Variants in UPF2 observed in about 807,000 individuals in gnomAD.
UPF2 encodes the protein UPF2 regulator of nonsense mediated mRNA decay, also known as regulator of nonsense transcripts 2.
A neutral mutation model predicts 141.4 loss-of-function variants in UPF2; 17 were observed. The ratio of observed to expected loss-of-function variants is 0.12; its 90% confidence interval spans 0.08 to 0.18. UPF2 has a LOEUF of 0.18. Ranked by LOEUF, UPF2 falls within the 10% of genes least tolerant of loss-of-function variation. UPF2 has a pLI of 1.00. For synonymous variants in UPF2, 540 were observed against 498.0 expected (o/e 1.08, Z -1.12); for missense variants, 1,152 against 1,515.9 (o/e 0.76, Z 3.99).
rs548131349 is a variant in UPF2, at chr10:11,941,765, T to C, written c.3378+900A>G. Reference sequence around the variant, plus strand: ...CCCACTCGTCACGTCACCAAAGGGTTAACAACAAGTACATATAGGGCTGAA... The same window carrying C: ...CCCACTCGTCACGTCACCAAAGGGTCAACAACAAGTACATATAGGGCTGAA... On this transcript the variant is annotated intron_variant, in intron 18 of 21. Transcript: ENST00000357604. Among the ~76,000 whole-genome samples, 111 of 152,282 alleles carry C rather than the reference T, an allele frequency of 7.3e-4. 1 individual carries two copies. The highest frequency in any genetic ancestry group is 2.5e-3 in the African/African-American group (103 of 41,568).
intron 21 of UPF2, among the ~76,000 whole-genome samples, chr10:11,922,966 C>T (rs1017051538): frequency 6.6e-6 from 1 of 152,044 alleles, no homozygotes; most frequent in Non-Finnish European, 1.5e-5. Flanking sequence ...CCCAGGAGGT[C>T]GAGGCTGCGG....
chr10:11,959,159 C>T lies in UPF2; in HGVS notation c.2370+12G>A, dbSNP rs1239903368. 1.1e-5 allele frequency: 18 copies of T among 1,565,638 alleles called. No individual in the cohort carries two copies. The highest frequency in any genetic ancestry group is 1.5e-5 in the Non-Finnish European group (17 of 1,161,346). On this transcript the variant is annotated intron_variant, in intron 12 of 21. Coordinates refer to ENST00000357604, the MANE Select transcript of UPF2 (RefSeq NM_015542.4). The surrounding 1 kb of genome is among the most constrained non-coding windows in gnomAD (Gnocchi z 5.9). ...ACGTTAACTATTAACTGCATGATTT[C>T]ATAAGATTTACCTTCTCGGTGGTAA... is the stretch of plus-strand genomic sequence containing the variant.
At chr10:11,930,667 T>C (rs1832772470) in intron 20 of UPF2, among the ~76,000 whole-genome samples, 1 of 152,092 alleles carries the variant, frequency 6.6e-6, no homozygotes, top group Non-Finnish European at 1.5e-5. Context: ...TCTTAGCTAC[T>C]TGGGGGCTGA....
intron 3 of UPF2, among the ~76,000 whole-genome samples, chr10:12,022,746 G>T (rs1276838244): frequency 1.3e-5 from 2 of 152,162 alleles, no homozygotes; most frequent in Admixed American, 1.3e-4. Context: ...AACTCACCTG[G>T]AAGGAAAGTG....
chr10:11,982,803 A>G (rs1372929284), intron 8 of UPF2, among the ~76,000 whole-genome samples: 1 of 152,142 alleles, frequency 6.6e-6, no homozygotes, highest in Non-Finnish European at 1.5e-5. Flanking sequence ...TGTCTTTAGT[A>G]GAGATGGAGT....
At chr10:12,036,982 G>T (rs527556794) in intron 1 of UPF2, among the ~76,000 whole-genome samples, 1 of 152,116 alleles carries the variant, frequency 6.6e-6, no homozygotes, top group Non-Finnish European at 1.5e-5. Flanking sequence ...CCAAGATCAC[G>T]CCATTGGACT....
rs906174520 is a variant in UPF2 at position 11,935,388 on chromosome 10, G to A, written c.3546+1157C>T. ...TAATAAATACTTGTTAAATGACTGT[G>A]TAGACGAATGTGGTATTGGACTTGT... On this transcript the variant is annotated intron_variant, in intron 19 of 21. Coordinates refer to ENST00000357604, the MANE Select transcript of UPF2 (RefSeq NM_015542.4). This position sits in a 1 kb window ranked among gnomAD's most constrained non-coding sequence, Gnocchi z 4.9. 6.6e-6 allele frequency among the ~76,000 whole-genome samples: 1 copy of A among 152,194 alleles called. No individual in the cohort carries two copies. Among genetic ancestry groups the A allele is most frequent in the Non-Finnish European group, 1.5e-5 (1 of 68,046 alleles).
In UPF2 at chr10:11,999,981, T is replaced by C. The variant is rs1165761249; in HGVS notation, c.1683A>G (p.Gly561=). ...CATCTACTATGAGCTTGAGATGAGA[T>C]CCAGTGCTGGCTTCCTCATCTTCTT... ...QEQEDEEAST[G]SHLKLIVDAF... The change falls in exon 7 of 22, where the codon GGA becomes GGG. Residue 561 remains glycine (G), a synonymous_variant. Transcript: ENST00000357604. 3 of 1,611,888 alleles carry C rather than the reference T, an allele frequency of 1.9e-6. No homozygotes were observed. The highest frequency in any genetic ancestry group is 2.5e-6 in the Non-Finnish European group (3 of 1,179,328).
intron 2 of UPF2, among the ~76,000 whole-genome samples, chr10:12,030,647 G>T (rs1180586693): frequency 6.6e-6 from 1 of 151,998 alleles, no homozygotes; most frequent in Non-Finnish European, 1.5e-5. Context: ...ACTTTGGGAG[G>T]CCGAGGCAGG....
rs1375058315 is a variant in UPF2, at chr10:11,929,745, G to T, written c.3809+120C>A. The T allele has an allele frequency of 3.6e-6, 5 of 1,402,894 alleles. No individual in the cohort carries two copies. The African/African-American group carries it at 7.2e-5, about 20-fold the overall frequency. 86.9% of individuals were successfully genotyped at this position (1,402,894 alleles called of 1,614,324 possible). A position where few individuals can be genotyped will look rare whatever the true frequency, so the allele number is the denominator to read the frequency against. On this transcript the variant is annotated intron_variant, in intron 21 of 21. Coordinates refer to ENST00000357604, the MANE Select transcript of UPF2 (RefSeq NM_015542.4). The stretch of plus-strand genomic sequence containing the variant: ...TTTTCTATTTTGCTAAAATATCAAA[G>T]ACTTTTCTATTTTGCTAAAAATCGG...
rs1325564244 is a variant in UPF2, at chr10:12,015,452, A to G, written c.1146-1268T>C. Among the ~76,000 whole-genome samples, 6 of 152,378 alleles carry G rather than the reference A, an allele frequency of 3.9e-5. No homozygotes were observed. The East Asian group carries it at 7.7e-4, about 20-fold the overall frequency. ...CATGGTGACTCACGCCTATAATCCCAGCACTCTGGGAGGACGAGGCAGGCG... is the reference window on the plus strand; with the variant it reads ...CATGGTGACTCACGCCTATAATCCCGGCACTCTGGGAGGACGAGGCAGGCG... On this transcript the variant is annotated intron_variant, in intron 3 of 21. Coordinates refer to ENST00000357604, the MANE Select transcript of UPF2 (RefSeq NM_015542.4).
chr10:12,025,187 T>C (rs1419351931), intron 3 of UPF2, among the ~76,000 whole-genome samples: 2 of 152,156 alleles, frequency 1.3e-5, no homozygotes, highest in Non-Finnish European at 2.9e-5. Context: ...CCAATTATTT[T>C]CTACATGGTG....
chr10:11,960,355 TG>T (rs955772379), intron 11 of UPF2, among the ~76,000 whole-genome samples: 1 of 152,102 alleles, frequency 6.6e-6, no homozygotes, highest in African/African-American at 2.4e-5. Flanking sequence ...GAGACTAGCC[TG>T]GGCAACAAAG....
Position 12,016,642 on chromosome 10 carries a change from C to T in UPF2, c.1146-2458G>A, listed in dbSNP as rs1412166234. Reference sequence around the variant, plus strand: ...CCGGGAGGCAGAGGTTGCAGTGAGCCAAGATTGCACCACTGTACTCCAGCC... The same window carrying T: ...CCGGGAGGCAGAGGTTGCAGTGAGCTAAGATTGCACCACTGTACTCCAGCC... On this transcript the variant is annotated intron_variant, in intron 3 of 21. Coordinates refer to ENST00000357604, the MANE Select transcript of UPF2 (RefSeq NM_015542.4). The surrounding 1 kb of genome is among the most constrained non-coding windows in gnomAD (Gnocchi z 4.1). Among the ~76,000 whole-genome samples, 3 of 147,798 alleles carry T rather than the reference C, an allele frequency of 2.0e-5. No individual in the cohort carries two copies. Among genetic ancestry groups the T allele is most frequent in the East Asian group, 2.0e-4 (1 of 4,900 alleles).
chr10:12,015,548 A>G (rs993869962), intron 3 of UPF2, among the ~76,000 whole-genome samples: 5 of 152,158 alleles, frequency 3.3e-5, no homozygotes, highest in Admixed American at 3.3e-4. Context: ...CTAAAAATAC[A>G]AAAGTTAGCC....
intron 2 of UPF2, among the ~76,000 whole-genome samples, chr10:12,032,234 C>T (rs561700213): frequency 1.9e-4 from 29 of 149,530 alleles, no homozygotes; most frequent in Non-Finnish European, 3.8e-4. Flanking sequence ...GTGGAGGTTA[C>T]GGTGAGCCGA....
At chr10:11,958,083 C>G (rs906741596) in intron 12 of UPF2, among the ~76,000 whole-genome samples, 2 of 152,140 alleles carry the variant, frequency 1.3e-5, no homozygotes, top group African/African-American at 2.4e-5. Context: ...GGTGCAGTGG[C>G]TCACACCTGT....
rs138838166 is a variant in UPF2, at chr10:11,945,609, C to T, written c.3175-2441G>A. Among the ~76,000 whole-genome samples, 236 of 152,284 alleles carry T rather than the reference C, an allele frequency of 1.5e-3. 1 individual carries two copies. The highest frequency in any genetic ancestry group is 5.2e-3 in the African/African-American group (218 of 41,542). ...GCAAACACACATGTATCCTGTGCAA[C>T]ATGCATTCTCCAACTGGAAAAGTAA... On this transcript the variant is annotated intron_variant, in intron 16 of 21. Transcript: ENST00000357604.
At chr10:11,987,096 T>G (rs1345996014) in intron 8 of UPF2, among the ~76,000 whole-genome samples, 1 of 152,216 alleles carries the variant, frequency 6.6e-6, no homozygotes, top group Non-Finnish European at 1.5e-5. Flanking sequence ...AACTTAAATA[T>G]TGGCTTAGGT....
Sources: allele counts gnomAD v4.1 joint callset (sites outside exome capture counted in the v4.1 genomes callset), GRCh38; gene constraint gnomAD v4.1.1; non-coding constraint Gnocchi (gnomAD v3.1); transcripts MANE v1.5; gene names NCBI Gene and HGNC (gene_info 2026-07-23, HGNC 2026-07-21).